The following LRP1B variants were observed in gnomAD, a reference collection of about 807,000 sequenced individuals.
LRP1B encodes low-density lipoprotein receptor-related protein 1B.
A neutral mutation model predicts 556.6 loss-of-function variants in LRP1B; 217 were observed. The ratio of observed to expected loss-of-function variants is 0.39; its 90% CI spans 0.35 to 0.44. LRP1B has a LOEUF of 0.44. LRP1B is among the 20% of genes least tolerant of loss of function. The pLI is 1.00. For missense variants in LRP1B, 5,053 were observed against 5,620.8 expected (o/e 0.90, Z 3.23); for synonymous variants, 2,047 against 1,865.8 (o/e 1.10, Z -2.50).
At chr2:140,736,588 T>C (rs1260976803) in intron 35 of LRP1B, among the ~76,000 whole-genome samples, 1 of 152,206 alleles carries the variant, frequency 6.6e-6, no homozygotes, top group East Asian at 1.9e-4. Context: ...TCTACAACCA[T>C]CTGATCTTTG....
At chr2:141,528,703 G>A (rs1429643265) in intron 2 of LRP1B, among the ~76,000 whole-genome samples, 1 of 151,882 alleles carries the variant, frequency 6.6e-6, no homozygotes. Flanking sequence ...TTAGAACTAG[G>A]GTAAAAATCT....
chr2:141,945,620 AT>A (rs1700931239), intron 1 of LRP1B, among the ~76,000 whole-genome samples: 1 of 152,012 alleles, frequency 6.6e-6, no homozygotes, highest in East Asian at 1.9e-4. Context: ...CTACTATAAA[AT>A]ATTGCCTCTG....
intron 2 of LRP1B, among the ~76,000 whole-genome samples, chr2:141,772,396 G>C (rs1694928532): frequency 6.6e-6 from 1 of 152,070 alleles, no homozygotes; most frequent in African/African-American, 2.4e-5. Context: ...TTCTAGGCTT[G>C]TACTAGAATA....
At chr2:141,726,373 T>C (rs1027748147) in intron 2 of LRP1B, among the ~76,000 whole-genome samples, 12 of 151,888 alleles carry the variant, frequency 7.9e-5, no homozygotes, top group African/African-American at 2.9e-4. Context: ...TATAATTTTT[T>C]CTAACAAGAA....
At chr2:141,474,680 G>T (rs2105077046) in intron 3 of LRP1B, among the ~76,000 whole-genome samples, 1 of 152,164 alleles carries the variant, frequency 6.6e-6, no homozygotes, top group South Asian at 2.1e-4. Flanking sequence ...TATATAAGGG[G>T]ATCTTTTTCT....
At chr2:140,494,125 A>G (rs1457007474) in intron 56 of LRP1B, among the ~76,000 whole-genome samples, 1 of 152,226 alleles carries the variant, frequency 6.6e-6, no homozygotes. Context: ...TAAATGCTTT[A>G]AGAACACATT....
At chr2:140,594,925 C>A (rs1682369981) in intron 43 of LRP1B, among the ~76,000 whole-genome samples, 2 of 151,660 alleles carry the variant, frequency 1.3e-5, no homozygotes, top group Non-Finnish European at 1.5e-5. Context: ...ATCCTTCAAT[C>A]TTCGTAACTA....
chr2:140,417,881 A>T (rs1433393230), intron 66 of LRP1B, among the ~76,000 whole-genome samples: 2 of 152,206 alleles, frequency 1.3e-5, no homozygotes, highest in Non-Finnish European at 2.9e-5. Context: ...CTTAACTCAC[A>T]TGTGTTCACG....
intron 5 of LRP1B, among the ~76,000 whole-genome samples, chr2:141,230,890 C>T (rs906726834): frequency 1.4e-4 from 21 of 152,106 alleles, no homozygotes; most frequent in Admixed American, 5.9e-4. Flanking sequence ...TCTTATTCAC[C>T]ATAGTATGTT....
At chr2:141,826,851 T>C (rs562521951) in intron 1 of LRP1B, among the ~76,000 whole-genome samples, 2 of 152,322 alleles carry the variant, frequency 1.3e-5, no homozygotes, top group South Asian at 4.1e-4. Context: ...AAATTTACCT[T>C]GCATCATTAC....
chr2:141,122,405 G>A (rs1460309064), intron 7 of LRP1B, among the ~76,000 whole-genome samples: 19 of 144,712 alleles, frequency 1.3e-4, no homozygotes, highest in African/African-American at 2.6e-4. Flanking sequence ...AAACTTACAA[G>A]AAAAAAAAAA....
intron 1 of LRP1B, among the ~76,000 whole-genome samples, chr2:141,890,214 C>T (rs1356154239): frequency 2.0e-5 from 3 of 151,158 alleles, no homozygotes; most frequent in Non-Finnish European, 2.9e-5. Flanking sequence ...TTCCTGAAAA[C>T]ATTACTCCAC....
intron 2 of LRP1B, among the ~76,000 whole-genome samples, chr2:141,572,178 A>T (rs1686552804): frequency 6.6e-6 from 1 of 152,190 alleles, no homozygotes. Flanking sequence ...GGGCAGCCAG[A>T]GAGAAATGTC....
At chr2:141,343,525 T>G (rs193282544) in intron 3 of LRP1B, among the ~76,000 whole-genome samples, 63 of 152,324 alleles carry the variant, frequency 4.1e-4, no homozygotes, top group African/African-American at 1.5e-3. Flanking sequence ...AGCTTTGTTT[T>G]GTGAAGCAGT....
chr2:141,738,669 A>C (rs1050375877), intron 2 of LRP1B, among the ~76,000 whole-genome samples: 2 of 152,166 alleles, frequency 1.3e-5, no homozygotes, highest in Non-Finnish European at 2.9e-5. Flanking sequence ...ATTTAATTAG[A>C]AAATCCATTC....
At chr2:140,604,992 C>T (rs1244826474) in intron 41 of LRP1B, among the ~76,000 whole-genome samples, 12 of 152,216 alleles carry the variant, frequency 7.9e-5, no homozygotes, top group Admixed American at 7.2e-4. Context: ...TGTTGAACTT[C>T]CTTTTCTCTA....
intron 22 of LRP1B, among the ~76,000 whole-genome samples, chr2:140,907,401 T>C (rs1694288107): frequency 6.6e-6 from 1 of 151,982 alleles, no homozygotes; most frequent in Non-Finnish European, 1.5e-5. Context: ...TGAAGGAAAA[T>C]TATGTTAAAT....
At chr2:140,712,665 A>T (rs768930409) in intron 37 of LRP1B, among the ~76,000 whole-genome samples, 25 of 151,918 alleles carry the variant, frequency 1.6e-4, no homozygotes, top group Non-Finnish European at 4.4e-5. Context: ...TTCATCACCC[A>T]GTTTGCATCA....
rs201761576 is a variant in LRP1B at position 141,319,299 on chromosome 2, G to GTTTTTTTTTTTTTTTTTTT, written c.344-64659_344-64658insAAAAAAAAAAAAAAAAAAA. 3.5e-4 allele frequency among the ~76,000 whole-genome samples: 28 copies of GTTTTTTTTTTTTTTTTTTT among 80,464 alleles called. 6 individuals carry two copies. The highest frequency in any genetic ancestry group is 1.2e-3 in the African/African-American group (24 of 19,632). The allele number at this position is 80,464 out of a possible 152,430, so 52.8% of individuals were successfully genotyped here. A position where few individuals can be genotyped will look rare whatever the true frequency, so the allele number is the denominator to read the frequency against. On this transcript the variant is annotated intron_variant, in intron 3 of 90. Transcript: ENST00000389484. ...CATAATGTAGTCTCTAAAAAGCAGT[G>GTTTTTTTTTTTTTTTTTTT]TTTTTTTGTTGTTTTTTTTTTTTTT...
Sources: gnomAD v4.1 joint callset for allele counts (sites outside exome capture counted in the v4.1 genomes callset) on GRCh38, gnomAD v4.1.1 for gene constraint, MANE v1.5 for transcripts, NCBI Gene and HGNC (gene_info 2026-07-23, HGNC 2026-07-21) for gene names.